RAB27A: variants seen among roughly 807,000 people sequenced by gnomAD.
RAB27A encodes the protein RAB27A, member RAS oncogene family, also known as ras-related protein Rab-27A.
RAB27A carries 17 observed loss-of-function variants against 20.8 expected under a neutral mutation model. The observed-to-expected ratio is 0.82, with a 90% confidence interval of 0.56 to 1.23. The LOEUF (loss-of-function observed/expected upper bound fraction) is 1.23, where lower values mean the gene tolerates loss of function less well. RAB27A is among the 50% of genes most tolerant of loss of function. The pLI is 0.00. For missense variants in RAB27A, 277 were observed against 266.7 expected, an observed-to-expected ratio of 1.04 and a Z score of -0.27; for synonymous variants, 85 against 92.8, an observed-to-expected ratio of 0.92 and a Z score of 0.48.
intron 1 of RAB27A, among the ~76,000 whole-genome samples, chr15:55,318,098 C>CTTTT (rs200901102): frequency 7.6e-6 from 1 of 131,424 alleles, no homozygotes; most frequent in African/African-American, 3.0e-5. Context: ...CATACTTTTT[C>CTTTT]TTTTTTTTTT....
At chr15:55,215,895 G>A (rs915852294) in intron 6 of RAB27A, among the ~76,000 whole-genome samples, 24 of 144,542 alleles carry the variant, frequency 1.7e-4, no homozygotes, top group African/African-American at 5.6e-4. Context: ...GCAGTGAGCC[G>A]AGATCGTGCT....
rs540548388 is a variant in RAB27A at position 55,203,829 on chromosome 15, A to T, written c.*1678T>A. Reference sequence around the variant, plus strand: ...TTTAAAAGAAGCCTTCATTTCAAGGATAGAAATATGTAAAATTTTACCAAC... The same window carrying T: ...TTTAAAAGAAGCCTTCATTTCAAGGTTAGAAATATGTAAAATTTTACCAAC... On this transcript the variant is annotated 3_prime_UTR_variant, in exon 7 of 7. Transcript: ENST00000336787. The T allele has an allele frequency of 7.2e-5, 11 of 152,220 alleles. No individual in the cohort carries two copies. The South Asian group carries it at 2.3e-3, about 32-fold the overall frequency. The allele number at this position is 152,220 out of a possible 1,614,324, so 9.4% of individuals were successfully genotyped here. A position where few individuals can be genotyped will look rare whatever the true frequency, so the allele number is the denominator to read the frequency against.
At chr15:55,250,850 T>C (rs1378787826) in intron 2 of RAB27A, among the ~76,000 whole-genome samples, 1 of 152,162 alleles carries the variant, frequency 6.6e-6, no homozygotes, top group African/African-American at 2.4e-5. Context: ...GCCCAGCTGG[T>C]TGCAAACTTT....
chr15:55,284,468 A>AT (rs1898095881), intron 1 of RAB27A, among the ~76,000 whole-genome samples: 1 of 152,226 alleles, frequency 6.6e-6, no homozygotes, highest in Non-Finnish European at 1.5e-5. Context: ...TAACAAAACC[A>AT]TAAAAAAAAA....
intron 2 of RAB27A, among the ~76,000 whole-genome samples, chr15:55,308,737 C>T (rs1203843163): frequency 6.6e-6 from 1 of 152,198 alleles, no homozygotes; most frequent in African/African-American, 2.4e-5. Flanking sequence ...GTAATAGAGC[C>T]TGATATTTAA....
intron 2 of RAB27A, among the ~76,000 whole-genome samples, chr15:55,297,870 A>G (rs555800672): frequency 1.3e-5 from 2 of 152,284 alleles, no homozygotes; most frequent in African/African-American, 4.8e-5. Context: ...ACCCAATTTA[A>G]TAGACATTCT....
At chr15:55,304,900 T>G (rs1030721910) in intron 2 of RAB27A, among the ~76,000 whole-genome samples, 2 of 152,106 alleles carry the variant, frequency 1.3e-5, no homozygotes, top group Non-Finnish European at 2.9e-5. Context: ...CAAGATTTCA[T>G]AGAGTGAAAA....
At chr15:55,288,392 A>T (rs1276045037) in intron 1 of RAB27A, among the ~76,000 whole-genome samples, 4 of 152,100 alleles carry the variant, frequency 2.6e-5, no homozygotes, top group African/African-American at 9.7e-5. Flanking sequence ...ATGGTAGCAC[A>T]CACCTGTAAT....
At chr15:55,295,045 A>G (rs376893405) in intron 2 of RAB27A, among the ~76,000 whole-genome samples, 109 of 152,338 alleles carry the variant, frequency 7.2e-4, no homozygotes, top group African/African-American at 2.5e-3. Context: ...TTGAATATAC[A>G]TTTCTCCAAA....
At chr15:55,246,479 G>T (rs1896689984) in intron 2 of RAB27A, among the ~76,000 whole-genome samples, 1 of 151,352 alleles carries the variant, frequency 6.6e-6, no homozygotes, top group Non-Finnish European at 1.5e-5. Flanking sequence ...ATTATTTGTT[G>T]CCCAAGGCTC....
At chr15:55,297,803 C>A (rs1459002097) in intron 2 of RAB27A, among the ~76,000 whole-genome samples, 6 of 152,172 alleles carry the variant, frequency 3.9e-5, no homozygotes, top group African/African-American at 1.4e-4. Flanking sequence ...GCTAGTACAT[C>A]ATTTCTGTAT....
intron 2 of RAB27A, among the ~76,000 whole-genome samples, chr15:55,304,435 T>A (rs1376689422): frequency 1.4e-5 from 2 of 148,088 alleles, no homozygotes; most frequent in African/African-American, 5.1e-5. Context: ...TCCCCCTCTG[T>A]GAGAAACACC....
At chr15:55,264,774 T>C (rs1309540854) in intron 2 of RAB27A, among the ~76,000 whole-genome samples, 1 of 152,210 alleles carries the variant, frequency 6.6e-6, no homozygotes, top group Admixed American at 6.5e-5. Context: ...CTGGTTTAAA[T>C]GACTGAAATT....
intron 2 of RAB27A, among the ~76,000 whole-genome samples, chr15:55,303,198 G>A (rs1200313780): frequency 2.1e-4 from 20 of 94,528 alleles, no homozygotes; most frequent in East Asian, 1.2e-3. Context: ...CTGCCCGGCC[G>A]CCCCTACTGG....
At chr15:55,314,757 A>AT (rs1168544999) in intron 1 of RAB27A, among the ~76,000 whole-genome samples, 1 of 152,224 alleles carries the variant, frequency 6.6e-6, no homozygotes, top group African/African-American at 2.4e-5. Context: ...GCTCAAGGAA[A>AT]TAAGAGAGGA....
intron 5 of RAB27A, among the ~76,000 whole-genome samples, chr15:55,226,817 G>A (rs1288434482): frequency 2.7e-5 from 4 of 147,580 alleles, no homozygotes; most frequent in Non-Finnish European, 4.4e-5. Context: ...GCAGTGAGCC[G>A]AGACTGCACC....
chr15:55,275,415 G>T (rs1282430034), intron 1 of RAB27A, among the ~76,000 whole-genome samples: 1 of 151,870 alleles, frequency 6.6e-6, no homozygotes, highest in Admixed American at 6.6e-5. Flanking sequence ...TCACTTGAGG[G>T]CAGGAGTTTG....
chr15:55,297,998 C>T (rs577749946), intron 2 of RAB27A, among the ~76,000 whole-genome samples: 2 of 151,754 alleles, frequency 1.3e-5, no homozygotes, highest in African/African-American at 2.4e-5. Flanking sequence ...GTCAGGAGAT[C>T]GAGACCGTCC....
chr15:55,247,698 G>C (rs1896739937), intron 2 of RAB27A, among the ~76,000 whole-genome samples: 1 of 152,156 alleles, frequency 6.6e-6, no homozygotes. Flanking sequence ...TGATGAATTA[G>C]AAGCAGCCAG....
Sources: allele counts gnomAD v4.1 joint callset (sites outside exome capture counted in the v4.1 genomes callset), GRCh38; gene constraint gnomAD v4.1.1; transcripts MANE v1.5; gene names NCBI Gene and HGNC (gene_info 2026-07-23, HGNC 2026-07-21).